DSCAM: variants seen among roughly 807,000 people sequenced by gnomAD.
The protein encoded by DSCAM is cell adhesion molecule DSCAM.
Under a neutral mutation model 217.7 loss-of-function variants are expected in DSCAM, and 47 were observed. The ratio of observed to expected loss-of-function variants is 0.22; its 90% CI spans 0.17 to 0.28. The LOEUF is 0.28. Ranked by LOEUF, DSCAM falls within the 10% of genes least tolerant of loss-of-function variation. The probability of loss-of-function intolerance (pLI) is 1.00; values close to 1 mark genes in which losing one functional copy is unlikely to be tolerated. For missense variants in DSCAM, 2,080 were observed against 2,618.3 expected (o/e 0.79, Z 4.49); for synonymous variants, 1,056 against 1,015.3 (o/e 1.04, Z -0.76).
intron 6 of DSCAM, among the ~76,000 whole-genome samples, chr21:40,343,843 A>ATTATT (rs1265534536): frequency 6.7e-6 from 1 of 150,238 alleles, no homozygotes; most frequent in Non-Finnish European, 1.5e-5. Flanking sequence ...TTTATTTATT[A>ATTATT]TTATTTTATT....
At chr21:40,342,603 T>G (rs942840549) in intron 6 of DSCAM, among the ~76,000 whole-genome samples, 1 of 137,820 alleles carries the variant, frequency 7.3e-6, no homozygotes, top group Non-Finnish European at 1.5e-5. Flanking sequence ...ACATATAGTA[T>G]GTGTATATGT....
intron 3 of DSCAM, among the ~76,000 whole-genome samples, chr21:40,617,020 A>AG (rs2089407233): frequency 6.7e-6 from 1 of 148,306 alleles, no homozygotes; most frequent in Non-Finnish European, 1.5e-5. Context: ...CCGTCTCAAA[A>AG]AAAAAAAAAA....
At chr21:40,202,233 T>A (rs1399789051) in intron 11 of DSCAM, among the ~76,000 whole-genome samples, 2 of 152,232 alleles carry the variant, frequency 1.3e-5, no homozygotes, top group Non-Finnish European at 2.9e-5. Flanking sequence ...TTCAGATGCA[T>A]TTCCCAGAAG....
At chr21:40,612,033 A>G (rs2089322603) in intron 3 of DSCAM, among the ~76,000 whole-genome samples, 1 of 152,216 alleles carries the variant, frequency 6.6e-6, no homozygotes, top group Non-Finnish European at 1.5e-5. Context: ...GGACTCAGAG[A>G]GCACATTGTG....
At chr21:40,020,826 G>A (rs530735344) in intron 32 of DSCAM, among the ~76,000 whole-genome samples, 6 of 152,304 alleles carry the variant, frequency 3.9e-5, no homozygotes, top group African/African-American at 1.4e-4. Context: ...CTGGGCCTTT[G>A]GGACAGGGTC....
chr21:40,529,048 C>T (rs1172340756), intron 3 of DSCAM, among the ~76,000 whole-genome samples: 12 of 151,854 alleles, frequency 7.9e-5, no homozygotes, highest in South Asian at 2.1e-4. Flanking sequence ...GGACTACAGG[C>T]GCGTGCCACC....
intron 3 of DSCAM, among the ~76,000 whole-genome samples, chr21:40,588,036 G>A (rs1334646961): frequency 1.3e-5 from 2 of 152,184 alleles, no homozygotes; most frequent in African/African-American, 2.4e-5. Context: ...CAATATTGCA[G>A]AGATTTGCAA....
chr21:40,510,670 C>A (rs186508577), intron 3 of DSCAM, among the ~76,000 whole-genome samples: 1 of 152,312 alleles, frequency 6.6e-6, no homozygotes, highest in African/African-American at 2.4e-5. Context: ...GGGTACATTA[C>A]AGAAGTTACA....
chr21:40,239,853 T>C (rs2073124565), intron 11 of DSCAM, among the ~76,000 whole-genome samples: 1 of 152,200 alleles, frequency 6.6e-6, no homozygotes, highest in South Asian at 2.1e-4. Flanking sequence ...TGGTTACTTT[T>C]TAATGTATTC....
intron 1 of DSCAM, among the ~76,000 whole-genome samples, chr21:40,760,480 GC>G (rs2091322132): frequency 1.3e-5 from 2 of 152,186 alleles, no homozygotes; most frequent in South Asian, 2.1e-4. Flanking sequence ...ATTCTGACCT[GC>G]CTTACCCTAG....
intron 1 of DSCAM, among the ~76,000 whole-genome samples, chr21:40,813,431 T>C (rs142847726): frequency 2.8e-4 from 42 of 152,272 alleles, no homozygotes; most frequent in African/African-American, 9.4e-4. Context: ...CTTTGGGATG[T>C]CAGCATTTAA....
chr21:40,739,779 TA>T (rs939135829), intron 1 of DSCAM, among the ~76,000 whole-genome samples: 2 of 126,144 alleles, frequency 1.6e-5, no homozygotes, highest in Non-Finnish European at 3.2e-5. Flanking sequence ...CTTAGAGAAT[TA>T]GTTTTTTTTT....
intron 11 of DSCAM, among the ~76,000 whole-genome samples, chr21:40,199,992 C>A (rs535254446): frequency 2.8e-4 from 42 of 147,820 alleles, no homozygotes; most frequent in Non-Finnish European, 3.7e-4. Context: ...CCAGTCACAG[C>A]GAATACTTGC....
chr21:40,688,844 G>A (rs1223820729), intron 3 of DSCAM, among the ~76,000 whole-genome samples: 1 of 152,174 alleles, frequency 6.6e-6, no homozygotes, highest in East Asian at 1.9e-4. Flanking sequence ...CTACTTTTCA[G>A]CTGTTGGGGT....
Position 40,013,113 on chromosome 21 carries a change from C to T in DSCAM, c.5960G>A (p.Ser1987Asn). The change falls in exon 33 of 33, where the codon AGC becomes AAC. Residue 1987 changes from serine to asparagine, a missense_variant. By Grantham distance (46) the Ser-to-Asn change is conservative. This residue lies in a region of DSCAM where 145 missense variants were observed against 138.5 expected (regional missense o/e 1.05). Transcript: ENST00000400454. ...AELGQAAKMSSSQESLLDSRG... is the reference protein window; with the variant it reads ...AELGQAAKMSNSQESLLDSRG... ...GGAGTCGAGCAGTGATTCTTGGGAG[C>T]TGCTCATTTTAGCTGCCTGTCCCAG... 5 of 1,607,346 alleles carry T rather than the reference C, an allele frequency of 3.1e-6. No homozygotes were observed. The highest frequency in any genetic ancestry group is 4.3e-6 in the Non-Finnish European group (5 of 1,175,992).
chr21:40,547,872 C>G (rs554783928), intron 3 of DSCAM, among the ~76,000 whole-genome samples: 1 of 152,164 alleles, frequency 6.6e-6, no homozygotes, highest in Non-Finnish European at 1.5e-5. Context: ...GGGAGCAAGA[C>G]GAAGGCAGGC....
At chr21:40,646,428 A>T (rs4818147) in intron 3 of DSCAM, among the ~76,000 whole-genome samples, 1 of 146,694 alleles carries the variant, frequency 6.8e-6, no homozygotes, top group African/African-American at 2.5e-5. Flanking sequence ...AAAAAAAAAA[A>T]GGGGGGCTGT....
rs181289134 is a variant in DSCAM at position 40,537,342 on chromosome 21, C to T, written c.508+155468G>A. 7.6e-4 allele frequency among the ~76,000 whole-genome samples: 116 copies of T among 152,268 alleles called. No homozygotes were observed. The East Asian group carries it at 0.02, about 27-fold the overall frequency. ...GATTTATGACATAGATCGGTGCTGC[C>T]TTCTCCTCTTGCAAACATGTCCACA... On this transcript the variant is annotated intron_variant, in intron 3 of 32. Coordinates refer to ENST00000400454, the MANE Select transcript of DSCAM (RefSeq NM_001389.5).
At chr21:40,639,146 G>A (rs559011816) in intron 3 of DSCAM, among the ~76,000 whole-genome samples, 37 of 150,608 alleles carry the variant, frequency 2.5e-4, no homozygotes, top group African/African-American at 8.8e-4. Flanking sequence ...GGTCCATTTT[G>A]TGTCTGATGA....
Sources: allele counts gnomAD v4.1 joint callset (sites outside exome capture counted in the v4.1 genomes callset), GRCh38; gene constraint gnomAD v4.1.1; regional missense constraint gnomAD v4.1.1; transcripts MANE v1.5; gene names NCBI Gene and HGNC (gene_info 2026-07-23, HGNC 2026-07-21).